Variants in GLRA1 observed in about 807,000 individuals in gnomAD.
The protein encoded by GLRA1 is glycine receptor subunit alpha-1.
GLRA1 carries 37 observed loss-of-function variants against 48.3 expected under a neutral mutation model. That is an observed-to-expected ratio of 0.77 (90% CI 0.59 to 1.01). The LOEUF (loss-of-function observed/expected upper bound fraction) is 1.01, where lower values mean the gene tolerates loss of function less well. Among genes scored for constraint, GLRA1 ranks in the 50% least tolerant of loss-of-function variants. The pLI, the probability that GLRA1 is intolerant of heterozygous loss-of-function variation, is 0.00. For synonymous variants in GLRA1, 196 were observed against 210.7 expected, an observed-to-expected ratio of 0.93 and a Z score of 0.60; for missense variants, 427 against 571.0, an observed-to-expected ratio of 0.75 and a Z score of 2.57.
intron 1 of GLRA1, among the ~76,000 whole-genome samples, chr5:151,896,153 C>T (rs1754222699): frequency 6.6e-6 from 1 of 152,182 alleles, no homozygotes; most frequent in Non-Finnish European, 1.5e-5. Flanking sequence ...AGAACCCTCC[C>T]CAAAGCTGAA....
chr5:151,879,933 G>A (rs1004243325), intron 3 of GLRA1, among the ~76,000 whole-genome samples: 3 of 152,124 alleles, frequency 2.0e-5, no homozygotes, highest in African/African-American at 7.2e-5. Flanking sequence ...TTGGGGGCAG[G>A]TCTTTCCCAA....
intron 4 of GLRA1, among the ~76,000 whole-genome samples, chr5:151,859,354 T>A (rs1457149299): frequency 1.3e-5 from 2 of 152,202 alleles, no homozygotes; most frequent in Non-Finnish European, 2.9e-5. Flanking sequence ...ATAGATTTTA[T>A]AGAAGGGAGT....
chr5:151,896,212 G>A (rs1407983030), intron 1 of GLRA1, among the ~76,000 whole-genome samples: 1 of 152,218 alleles, frequency 6.6e-6, no homozygotes, highest in East Asian at 1.9e-4. Context: ...GGTATTTGCA[G>A]TCTGGTCACC....
intron 3 of GLRA1, among the ~76,000 whole-genome samples, chr5:151,876,840 T>C (rs1423648996): frequency 1.3e-5 from 2 of 152,126 alleles, no homozygotes; most frequent in Non-Finnish European, 2.9e-5. Context: ...ATGGAGTCTT[T>C]AAGGAGGTGA....
At chr5:151,912,233 C>G (rs1212510490) in intron 1 of GLRA1, among the ~76,000 whole-genome samples, 9 of 147,468 alleles carry the variant, frequency 6.1e-5, no homozygotes, top group African/African-American at 1.8e-4. Context: ...GGGCATGATG[C>G]AGTCTCTTAT....
chr5:151,846,758 A>G (rs1248956218), intron 7 of GLRA1, among the ~76,000 whole-genome samples: 1 of 152,242 alleles, frequency 6.6e-6, no homozygotes, highest in Non-Finnish European at 1.5e-5. Context: ...TGGATCCCTC[A>G]TCATATTTTC....
chr5:151,911,208 A>G (rs980030964), intron 1 of GLRA1, among the ~76,000 whole-genome samples: 1 of 152,144 alleles, frequency 6.6e-6, no homozygotes, highest in African/African-American at 2.4e-5. Flanking sequence ...CTCTTTGCCT[A>G]CCTGGTAAAT....
At chr5:151,906,327 T>G (rs1330927764) in intron 1 of GLRA1, among the ~76,000 whole-genome samples, 1 of 152,214 alleles carries the variant, frequency 6.6e-6, no homozygotes, top group African/African-American at 2.4e-5. Context: ...ACCTAATAAT[T>G]CTTAAGAACT....
intron 3 of GLRA1, among the ~76,000 whole-genome samples, chr5:151,870,426 A>G (rs1340090300): frequency 7.3e-5 from 11 of 149,890 alleles, no homozygotes; most frequent in Admixed American, 7.2e-4. Flanking sequence ...TAAAAAACAA[A>G]CAACGGAGAT....
At chr5:151,850,695 G>T (rs1195139141) in intron 7 of GLRA1, 2 of 1,188,528 alleles carry the variant, frequency 1.7e-6, no homozygotes, top group Non-Finnish European at 1.3e-6. Flanking sequence ...GAAGACTGTT[G>T]CCCCTCTGCC....
At chr5:151,865,890 C>G (rs1196484292) in intron 3 of GLRA1, among the ~76,000 whole-genome samples, 2 of 152,134 alleles carry the variant, frequency 1.3e-5, no homozygotes, top group African/African-American at 4.8e-5. Flanking sequence ...CTTAAGTTGG[C>G]AAACAGCAGT....
At chr5:151,894,489 A>G (rs1414140516) in intron 1 of GLRA1, among the ~76,000 whole-genome samples, 3 of 152,046 alleles carry the variant, frequency 2.0e-5, no homozygotes, top group African/African-American at 7.2e-5. Flanking sequence ...TGACGTCAAT[A>G]TACTTCCACT....
At chr5:151,838,758 A>T (rs1763637243) in intron 7 of GLRA1, among the ~76,000 whole-genome samples, 1 of 152,218 alleles carries the variant, frequency 6.6e-6, no homozygotes, top group South Asian at 2.1e-4. Context: ...GTGCCTGAAA[A>T]CTTATCAAAT....
At position 151,913,613 on chromosome 5, in the gene GLRA1, T is replaced by C. The variant is rs114342418; in HGVS notation, c.56+10881A>G. 8.1e-3 allele frequency among the ~76,000 whole-genome samples: 1,228 copies of C among 152,284 alleles called. 20 individuals carry two copies. Among genetic ancestry groups the C allele is most frequent in the African/African-American group, 0.028 (1,156 of 41,562 alleles). On this transcript the variant is annotated intron_variant, in intron 1 of 8. Transcript: ENST00000274576. ...TAGATCCATATGCACACTGACAAGA[T>C]ATTCCTGAGTGATAAAAGAGAAGTT...
chr5:151,836,294 A>C, intron 7 of GLRA1, among the ~76,000 whole-genome samples: 1 of 152,232 alleles, frequency 6.6e-6, no homozygotes, highest in East Asian at 1.9e-4. Context: ...CCACTGCTCA[A>C]GGAAATAAGA....
intron 1 of GLRA1, among the ~76,000 whole-genome samples, chr5:151,922,688 A>G (rs1754907432): frequency 6.6e-6 from 1 of 152,278 alleles, no homozygotes; most frequent in African/African-American, 2.4e-5. Context: ...GAATTAACAC[A>G]GTGGATTCAT....
At chr5:151,918,342 G>A (rs772298306) in intron 1 of GLRA1, among the ~76,000 whole-genome samples, 10 of 152,190 alleles carry the variant, frequency 6.6e-5, no homozygotes, top group Middle Eastern at 3.2e-3. Context: ...CTGAGAGGCC[G>A]TCAGTCCTGT....
At chr5:151,886,047 C>A (rs1208815354) in intron 3 of GLRA1, among the ~76,000 whole-genome samples, 1 of 151,942 alleles carries the variant, frequency 6.6e-6, no homozygotes, top group Non-Finnish European at 1.5e-5. Context: ...AACATAAGTA[C>A]AATTGATTTT....
chr5:151,837,096 A>G (rs1249978964), intron 7 of GLRA1, among the ~76,000 whole-genome samples: 1 of 152,262 alleles, frequency 6.6e-6, no homozygotes, highest in Non-Finnish European at 1.5e-5. Context: ...TTCAGAATCT[A>G]TAAAGAACTT....
Sources: gnomAD v4.1 joint callset for allele counts (sites outside exome capture counted in the v4.1 genomes callset) on GRCh38, gnomAD v4.1.1 for gene constraint, MANE v1.5 for transcripts, NCBI Gene and HGNC (gene_info 2026-07-23, HGNC 2026-07-21) for gene names.